The following SPRY3 variants were observed in gnomAD, a reference collection of about 807,000 sequenced individuals.
SPRY3 encodes the protein sprouty RTK signaling antagonist 3.
SPRY3 carries 15 observed loss-of-function variants against 20.2 expected under a neutral mutation model. The observed-to-expected ratio is 0.74, with a 90% confidence interval of 0.50 to 1.14. The LOEUF is 1.14. Ranked by LOEUF, SPRY3 falls within the 50% of genes most tolerant of loss-of-function variation. The pLI is 0.00. For missense variants in SPRY3, 364 were observed against 363.9 expected, an observed-to-expected ratio of 1.00 and a Z score of 0.00; for synonymous variants, 143 against 136.5, an observed-to-expected ratio of 1.05 and a Z score of -0.33.
intron 3 of SPRY3, among the ~76,000 whole-genome samples, chrX:155,769,592 T>A (rs2091368718): frequency 6.6e-6 from 1 of 152,172 alleles, no homozygotes; most frequent in South Asian, 2.1e-4. Flanking sequence ...TTCTTACAAT[T>A]TTCCTCAGGA....
In SPRY3 at chrX:155,618,418, A is replaced by G. The variant is rs375175832; in HGVS notation, c.-441+5771A>G. On this transcript the variant is annotated intron_variant, in intron 1 of 3. Coordinates refer to ENST00000675360, the Ensembl canonical transcript of SPRY3. ...GTATGTATCAGAGTTTGTTCAACCA[A>G]TAACCCACTGAAGAACATTTGAGCT... Among the ~76,000 whole-genome samples, 13 of 111,718 alleles carry G rather than the reference A, an allele frequency of 1.2e-4. No homozygotes were observed. The East Asian group carries it at 3.6e-3, about 31-fold the overall frequency.
chrX:155,760,956 A>G (rs1030323750), intron 2 of SPRY3, among the ~76,000 whole-genome samples: 2 of 151,992 alleles, frequency 1.3e-5, no homozygotes, highest in African/African-American at 4.8e-5. Context: ...ATTTTCCTGG[A>G]ATTTGTCTCT....
Position 155,706,000 on chromosome X carries a change from C to T in SPRY3, c.-282+48975C>T, listed in dbSNP as rs2090948277. Among the ~76,000 whole-genome samples, 6 of 151,386 alleles carry T rather than the reference C, an allele frequency of 4.0e-5. No homozygotes were observed. In the South Asian group the frequency reaches 1.2e-3, roughly 31 times the overall value. On this transcript the variant is annotated intron_variant, in intron 2 of 3. Transcript: ENST00000675360. ...TTAACAAGGATATAGAAGATCTGAACAGCACTAACAAGAACTAATTGACAT... is the reference window on the plus strand; with the variant it reads ...TTAACAAGGATATAGAAGATCTGAATAGCACTAACAAGAACTAATTGACAT...
chrX:155,617,384 A>G lies in SPRY3; in HGVS notation c.-441+4737A>G, dbSNP rs144220339. Among the ~76,000 whole-genome samples the G allele has an allele frequency of 4.5e-5, 5 of 111,038 alleles. No homozygotes were observed. In the East Asian group the frequency reaches 1.4e-3, roughly 31 times the overall value. On this transcript the variant is annotated intron_variant, in intron 1 of 3. Coordinates refer to ENST00000675360, the Ensembl canonical transcript of SPRY3. ...GCCGTTAGAAACATCATAAAACTGC[A>G]TAAAATATGCAAGGAAACTGTTTAA... is the stretch of plus-strand genomic sequence containing the variant.
chrX:155,691,214 C>T lies in SPRY3; in HGVS notation c.-282+34189C>T, dbSNP rs189956679. ...AGCATTTACCCTGAGATAACTTTGC[C>T]GCAAAATATTTCACTTTTATTATTA... On this transcript the variant is annotated intron_variant, in intron 2 of 3. Coordinates refer to ENST00000675360, the Ensembl canonical transcript of SPRY3. Among the ~76,000 whole-genome samples the T allele has an allele frequency of 5.8e-5, 5 of 86,918 alleles. 1 individual carries two copies. Among genetic ancestry groups the T allele is most frequent in the African/African-American group, 2.2e-4 (4 of 18,087 alleles). The allele number at this position is 86,918 out of a possible 115,157, so 75.5% of individuals were successfully genotyped here.
chrX:155,737,735 G>A (rs1197236900), intron 2 of SPRY3, among the ~76,000 whole-genome samples: 1 of 152,086 alleles, frequency 6.6e-6, no homozygotes, highest in African/African-American at 2.4e-5. Context: ...AGACTGGAGA[G>A]GACCCAAATC....
intron 1 of SPRY3, among the ~76,000 whole-genome samples, chrX:155,644,176 T>C (rs1203424641): frequency 9.0e-6 from 1 of 110,602 alleles, no homozygotes; most frequent in Non-Finnish European, 1.9e-5. Context: ...ATTTTTTCCT[T>C]CTCACACAAA....
At chrX:155,633,324 A>G (rs1437644511) in intron 1 of SPRY3, among the ~76,000 whole-genome samples, 1 of 100,835 alleles carries the variant, frequency 9.9e-6, no homozygotes, top group Non-Finnish European at 2.0e-5. Flanking sequence ...GCGGATCACA[A>G]GGTCAGGAGA....
chrX:155,717,828 C>T (rs2091033070), intron 2 of SPRY3, among the ~76,000 whole-genome samples: 1 of 152,028 alleles, frequency 6.6e-6, no homozygotes, highest in Non-Finnish European at 1.5e-5. Flanking sequence ...GGGTCGGTTC[C>T]AAGTCTTTGC....
At chrX:155,637,829 C>A (rs2067928332) in intron 1 of SPRY3, among the ~76,000 whole-genome samples, 1 of 110,607 alleles carries the variant, frequency 9.0e-6, no homozygotes, top group Admixed American at 9.7e-5. Flanking sequence ...ATGTTAGTTT[C>A]CTCTGCTAAA....
intron 1 of SPRY3, among the ~76,000 whole-genome samples, chrX:155,616,182 G>A (rs1195699607): frequency 5.4e-5 from 4 of 73,834 alleles, no homozygotes; most frequent in Admixed American, 2.0e-4. Flanking sequence ...TCATCCCCTC[G>A]TTCCCTTCCT....
exon 4 of SPRY3, chrX:155,774,421 T>G: frequency 1.2e-6 from 2 of 1,614,000 alleles, no homozygotes; most frequent in Non-Finnish European, 1.7e-6. Flanking sequence ...CCTCCTCGAT[T>G]ATGGCACTTG....
intron 2 of SPRY3, among the ~76,000 whole-genome samples, chrX:155,747,001 C>T (rs188865830): frequency 1.0e-3 from 155 of 151,980 alleles, no homozygotes; most frequent in African/African-American, 1.8e-3. Context: ...GGACCACATG[C>T]GACTCCAAGT....
chrX:155,751,966 AATAAAATAAAATAAAAT>A (rs1460617323), intron 2 of SPRY3, among the ~76,000 whole-genome samples: 41 of 149,412 alleles, frequency 2.7e-4, no homozygotes, highest in African/African-American at 9.0e-4. Context: ...AATAAAATAA[AATAAAATAAAATAAAAT>A]AAAGGAAAGG....
At chrX:155,765,510 C>G (rs2091322257) in intron 2 of SPRY3, among the ~76,000 whole-genome samples, 1 of 152,174 alleles carries the variant, frequency 6.6e-6, no homozygotes, top group Non-Finnish European at 1.5e-5. Flanking sequence ...TCACCCTGCC[C>G]ACTTGAATGT....
At chrX:155,719,490 T>A (rs1219621047) in intron 2 of SPRY3, among the ~76,000 whole-genome samples, 1 of 152,034 alleles carries the variant, frequency 6.6e-6, no homozygotes, top group African/African-American at 2.4e-5. Flanking sequence ...CTGAGGCAGC[T>A]AAGGGAGTGC....
chrX:155,781,641 G>A (rs1411894031), downstream of SPRY3: 3 of 166,902 alleles, frequency 1.8e-5, no homozygotes, highest in Non-Finnish European at 4.4e-5. Context: ...TTTCTCATCT[G>A]TAAAATGACG....
intron 2 of SPRY3, among the ~76,000 whole-genome samples, chrX:155,765,507 G>A (rs1031066518): frequency 6.6e-6 from 1 of 152,168 alleles, no homozygotes; most frequent in Non-Finnish European, 1.5e-5. Context: ...ATGTCACCCT[G>A]CCCACTTGAA....
At chrX:155,735,932 T>C (rs1173445843) in intron 2 of SPRY3, among the ~76,000 whole-genome samples, 1 of 151,986 alleles carries the variant, frequency 6.6e-6, no homozygotes, top group African/African-American at 2.4e-5. Flanking sequence ...GTTGAACATA[T>C]TATATGATTC....
Sources: gnomAD v4.1 joint callset for allele counts (sites outside exome capture counted in the v4.1 genomes callset) on GRCh38, gnomAD v4.1.1 for gene constraint, MANE v1.5 for transcripts, NCBI Gene and HGNC (gene_info 2026-07-23, HGNC 2026-07-21) for gene names.